The following GRM8 variants were observed in gnomAD, a reference collection of about 807,000 sequenced individuals.
The protein encoded by GRM8 is metabotropic glutamate receptor 8.
GRM8 carries 47 observed loss-of-function variants against 87.2 expected under a neutral mutation model. That is an observed-to-expected ratio of 0.54 (90% CI 0.43 to 0.69). The LOEUF is 0.69. GRM8 is among the 30% of genes least tolerant of loss of function. The pLI, the probability that GRM8 is intolerant of heterozygous loss-of-function variation, is 0.00. For missense variants in GRM8, 1,019 were observed against 1,139.2 expected (o/e 0.89, Z 1.52); for synonymous variants, 396 against 404.5 (o/e 0.98, Z 0.25).
At chr7:126,542,055 T>C (rs1311318634) in intron 8 of GRM8, among the ~76,000 whole-genome samples, 1 of 152,184 alleles carries the variant, frequency 6.6e-6, no homozygotes, top group African/African-American at 2.4e-5. Context: ...GGGAAGGCCA[T>C]GGAATGGCAC....
chr7:127,241,415 G>A (rs559154023), intron 2 of GRM8, among the ~76,000 whole-genome samples: 37 of 150,038 alleles, frequency 2.5e-4, no homozygotes, highest in Admixed American at 6.0e-4. Flanking sequence ...TAAATCTAAT[G>A]TGCATAGGAC....
intron 2 of GRM8, among the ~76,000 whole-genome samples, chr7:127,236,477 G>A (rs113534406): frequency 0.021 from 3,261 of 152,268 alleles, 108 homozygotes; most frequent in African/African-American, 0.071. Flanking sequence ...TTCTTCACAA[G>A]GTGGCAGGAA....
chr7:126,611,353 A>C (rs1179545889), intron 7 of GRM8, among the ~76,000 whole-genome samples: 2 of 152,236 alleles, frequency 1.3e-5, no homozygotes, highest in African/African-American at 4.8e-5. Flanking sequence ...GAATTAAATA[A>C]TCAACACTTG....
At chr7:126,888,801 C>A in intron 6 of GRM8, among the ~76,000 whole-genome samples, 1 of 152,008 alleles carries the variant, frequency 6.6e-6, no homozygotes, top group Non-Finnish European at 1.5e-5. Context: ...TGTGCATGAA[C>A]CATGAACAAA....
At chr7:126,895,884 C>A (rs1220343422) in intron 6 of GRM8, among the ~76,000 whole-genome samples, 2 of 150,922 alleles carry the variant, frequency 1.3e-5, no homozygotes, top group African/African-American at 2.4e-5. Flanking sequence ...TTTTGCTTCA[C>A]TTTATAGTTG....
At chr7:127,185,311 C>A (rs1481059076) in intron 2 of GRM8, among the ~76,000 whole-genome samples, 1 of 151,762 alleles carries the variant, frequency 6.6e-6, no homozygotes, top group Admixed American at 6.6e-5. Flanking sequence ...TAGACCCAAA[C>A]AAATATAATC....
chr7:126,876,937 T>TAA (rs34353722), intron 6 of GRM8, among the ~76,000 whole-genome samples: 41,732 of 146,924 alleles, frequency 0.28, 6,376 homozygotes, highest in South Asian at 0.35. Flanking sequence ...ACAAACTCTT[T>TAA]AAAAAAAAAA....
At chr7:126,593,046 CTT>C (rs961681846) in intron 8 of GRM8, among the ~76,000 whole-genome samples, 2 of 151,806 alleles carry the variant, frequency 1.3e-5, no homozygotes, top group African/African-American at 4.8e-5. Context: ...TGTGAATAAA[CTT>C]AACGAGGAGT....
chr7:126,788,778 A>G (rs1279396594), intron 6 of GRM8, among the ~76,000 whole-genome samples: 1 of 139,408 alleles, frequency 7.2e-6, no homozygotes, highest in Non-Finnish European at 1.6e-5. Context: ...TTAGAGGTAG[A>G]TCTGGTCAGT....
intron 6 of GRM8, among the ~76,000 whole-genome samples, chr7:126,827,725 C>T (rs1794961509): frequency 6.6e-6 from 1 of 152,262 alleles, no homozygotes. Context: ...CCTAATTGCC[C>T]TGGCCAGAAC....
chr7:126,557,523 G>A (rs1375431143), intron 8 of GRM8, among the ~76,000 whole-genome samples: 2 of 151,868 alleles, frequency 1.3e-5, no homozygotes, highest in African/African-American at 4.8e-5. Context: ...CACAAGTGGC[G>A]ATCGTAAGAA....
intron 3 of GRM8, among the ~76,000 whole-genome samples, chr7:127,088,723 T>A (rs2132870809): frequency 6.6e-6 from 1 of 152,292 alleles, no homozygotes; most frequent in Non-Finnish European, 1.5e-5. Flanking sequence ...CAGCTCTTCT[T>A]CTTGTTGTAG....
At chr7:126,524,969 AT>A (rs567708625) in intron 9 of GRM8, among the ~76,000 whole-genome samples, 213 of 149,354 alleles carry the variant, frequency 1.4e-3, no homozygotes, top group African/African-American at 4.9e-3. Context: ...TACCTGTGGG[AT>A]TTTTTTTTTG....
intron 3 of GRM8, among the ~76,000 whole-genome samples, chr7:127,029,144 T>G (rs1233000852): frequency 6.6e-6 from 1 of 152,188 alleles, no homozygotes. Context: ...ATCTGTGTGG[T>G]TTTGAGTGAG....
intron 9 of GRM8, among the ~76,000 whole-genome samples, chr7:126,469,190 T>C (rs2150548809): frequency 6.6e-6 from 1 of 152,244 alleles, no homozygotes; most frequent in Non-Finnish European, 1.5e-5. Context: ...TAGATGGCTA[T>C]CACATTCTAT....
chr7:126,936,113 C>G (rs1005877420), intron 3 of GRM8, among the ~76,000 whole-genome samples: 1 of 152,122 alleles, frequency 6.6e-6, no homozygotes, highest in African/African-American at 2.4e-5. Context: ...CTAGTTATAA[C>G]CACCTTTCCA....
intron 7 of GRM8, among the ~76,000 whole-genome samples, chr7:126,743,491 T>C (rs913012084): frequency 4.6e-5 from 7 of 151,912 alleles, no homozygotes; most frequent in African/African-American, 1.7e-4. Flanking sequence ...CCTATAGCAA[T>C]AAAAAATAAA....
intron 3 of GRM8, among the ~76,000 whole-genome samples, chr7:126,938,843 C>T (rs567045615): frequency 5.3e-5 from 8 of 152,092 alleles, no homozygotes; most frequent in Non-Finnish European, 1.2e-4. Flanking sequence ...ACATAGTATA[C>T]AGGCAGTTAA....
intron 2 of GRM8, among the ~76,000 whole-genome samples, chr7:127,216,053 C>G (rs1033292090): frequency 2.0e-5 from 3 of 152,162 alleles, no homozygotes; most frequent in African/African-American, 4.8e-5. Flanking sequence ...ACCATTCATT[C>G]ATACAATAAA....
Sources: gnomAD v4.1 joint callset for allele counts (sites outside exome capture counted in the v4.1 genomes callset) on GRCh38, gnomAD v4.1.1 for gene constraint, MANE v1.5 for transcripts, NCBI Gene and HGNC (gene_info 2026-07-23, HGNC 2026-07-21) for gene names.